LARGE1: variants seen among roughly 807,000 people sequenced by gnomAD.
The protein encoded by LARGE1 is LARGE xylosyl- and glucuronyltransferase 1, also known as xylosyl- and glucuronyltransferase LARGE1.
LARGE1 carries 43 observed loss-of-function variants against 87.6 expected under a neutral mutation model. That is an observed-to-expected ratio of 0.49 (90% confidence interval 0.38 to 0.63). The LOEUF is 0.63. LARGE1 is among the 30% of genes least tolerant of loss of function. The pLI is 0.00. For missense variants in LARGE1, 802 were observed against 1,000.2 expected, an observed-to-expected ratio of 0.80 and a Z score of 2.67; for synonymous variants, 434 against 394.6, an observed-to-expected ratio of 1.10 and a Z score of -1.18.
intron 4 of LARGE1, among the ~76,000 whole-genome samples, chr22:33,611,916 C>G (rs2079440753): frequency 6.6e-6 from 1 of 152,092 alleles, no homozygotes; most frequent in Admixed American, 6.6e-5. Flanking sequence ...GTGGCACCTC[C>G]CACCCTCTCT....
At chr22:33,437,453 A>C (rs1451871665) in intron 6 of LARGE1, among the ~76,000 whole-genome samples, 1 of 152,212 alleles carries the variant, frequency 6.6e-6, no homozygotes, top group Admixed American at 6.5e-5. Context: ...TAGAGATAGT[A>C]AGTAACATAC....
chr22:33,457,188 C>T (rs753882550), intron 6 of LARGE1, among the ~76,000 whole-genome samples: 14 of 149,676 alleles, frequency 9.4e-5, no homozygotes, highest in East Asian at 2.0e-4. Flanking sequence ...AGTGCAGTGG[C>T]GTGATCTTGG....
At chr22:33,864,513 T>C (rs2064028383) in intron 1 of LARGE1, among the ~76,000 whole-genome samples, 1 of 152,128 alleles carries the variant, frequency 6.6e-6, no homozygotes, top group South Asian at 2.1e-4. Flanking sequence ...TTCCTTTACT[T>C]GTTTCAAAAA....
chr22:33,335,740 C>T (rs1027844419), intron 10 of LARGE1, among the ~76,000 whole-genome samples: 2 of 152,130 alleles, frequency 1.3e-5, no homozygotes, highest in African/African-American at 4.8e-5. Context: ...GCCTTTGCAC[C>T]AGCTACTTCC....
intron 6 of LARGE1, among the ~76,000 whole-genome samples, chr22:33,487,425 T>G (rs533755821): frequency 6.6e-6 from 1 of 152,288 alleles, no homozygotes; most frequent in South Asian, 2.1e-4. Flanking sequence ...ACGGGTTTCT[T>G]GACAGCAGCC....
chr22:33,233,187 G>C (rs1602126069), intron 11 of LARGE1, among the ~76,000 whole-genome samples: 4 of 152,146 alleles, frequency 2.6e-5, no homozygotes, highest in Admixed American at 2.6e-4. Context: ...TCTGGGGAGA[G>C]AGAGAACAGA....
At chr22:33,217,535 G>A (rs1477456554) in intron 11 of LARGE1, among the ~76,000 whole-genome samples, 1 of 152,138 alleles carries the variant, frequency 6.6e-6, no homozygotes, top group African/African-American at 2.4e-5. Flanking sequence ...TATAGAAAAT[G>A]TTTAAATATT....
intron 9 of LARGE1, 89 bp from the exon 10 acceptor site, chr22:33,337,890 C>A: frequency 7.2e-7 from 1 of 1,392,418 alleles, no homozygotes; most frequent in Non-Finnish European, 1.0e-6. Context: ...CAGCACTGGG[C>A]TAAGCATTAT....
At chr22:33,374,343 GAAAC>G (rs1408988739) in intron 9 of LARGE1, among the ~76,000 whole-genome samples, 8 of 152,148 alleles carry the variant, frequency 5.3e-5, no homozygotes, top group African/African-American at 1.9e-4. Flanking sequence ...ACTGGCCTAA[GAAAC>G]AAACATTTTA....
At chr22:33,438,255 G>C (rs2067344214) in intron 6 of LARGE1, among the ~76,000 whole-genome samples, 1 of 152,136 alleles carries the variant, frequency 6.6e-6, no homozygotes, top group Admixed American at 6.5e-5. Context: ...TTCCTTGGGG[G>C]AGATGACACA....
chr22:33,735,991 T>C (rs185897368), intron 2 of LARGE1, among the ~76,000 whole-genome samples: 48 of 152,384 alleles, frequency 3.1e-4, no homozygotes, highest in Middle Eastern at 3.4e-3. Flanking sequence ...AATAGCTGAA[T>C]AACATTCCAT....
At chr22:33,829,421 C>T (rs910189124) in intron 1 of LARGE1, among the ~76,000 whole-genome samples, 3 of 152,154 alleles carry the variant, frequency 2.0e-5, no homozygotes, top group Admixed American at 6.6e-5. Context: ...CACTCCATGC[C>T]ACCTGACGTA....
the LARGE1 span, among the ~76,000 whole-genome samples, chr22:33,147,321 G>A: frequency 4.7e-3 from 711 of 152,166 alleles, 8 homozygotes; most frequent in African/African-American, 0.015. Context: ...TAGTAAAATA[G>A]ACACAGATTT....
intron 9 of LARGE1, among the ~76,000 whole-genome samples, chr22:33,345,737 C>T (rs760312281): frequency 1.1e-4 from 16 of 152,144 alleles, no homozygotes; most frequent in Non-Finnish European, 1.8e-4. Context: ...AAAGGAGACA[C>T]GAGAAACTCT....
At chr22:33,629,162 T>A (rs1187552962) in intron 3 of LARGE1, among the ~76,000 whole-genome samples, 1 of 152,036 alleles carries the variant, frequency 6.6e-6, no homozygotes, top group Non-Finnish European at 1.5e-5. Flanking sequence ...AGACTCAGGA[T>A]GAAAGATTAT....
At chr22:33,885,534 C>T (rs1294937107) in intron 1 of LARGE1, among the ~76,000 whole-genome samples, 1 of 152,146 alleles carries the variant, frequency 6.6e-6, no homozygotes, top group Admixed American at 6.6e-5. Context: ...ATTGATAGAG[C>T]AATATGAAGC....
At chr22:33,771,959 T>A (rs780774775) in intron 1 of LARGE1, among the ~76,000 whole-genome samples, 2 of 152,232 alleles carry the variant, frequency 1.3e-5, no homozygotes, top group African/African-American at 4.8e-5. Context: ...CCATTTCTCC[T>A]GCCACTATAC....
At chr22:33,512,330 G>A (rs572937031) in intron 6 of LARGE1, among the ~76,000 whole-genome samples, 21 of 152,204 alleles carry the variant, frequency 1.4e-4, no homozygotes, top group African/African-American at 5.1e-4. Flanking sequence ...CAAAATAGGA[G>A]AATGTCTTTT....
At chr22:33,862,284 A>C (rs975311924) in intron 1 of LARGE1, among the ~76,000 whole-genome samples, 7 of 152,210 alleles carry the variant, frequency 4.6e-5, no homozygotes, top group African/African-American at 1.7e-4. Flanking sequence ...AAGATCCTGT[A>C]AGCTGCCATG....
Sources: gnomAD v4.1 joint callset for allele counts (sites outside exome capture counted in the v4.1 genomes callset) on GRCh38, gnomAD v4.1.1 for gene constraint, MANE v1.5 for transcripts, NCBI Gene and HGNC (gene_info 2026-07-23, HGNC 2026-07-21) for gene names.